ANKS1B: variants seen among roughly 807,000 people sequenced by gnomAD.
The protein encoded by ANKS1B is ankyrin repeat and sterile alpha motif domain-containing protein 1B.
ANKS1B carries 36 observed loss-of-function variants against 148.3 expected under a neutral mutation model. The ratio of observed to expected loss-of-function variants is 0.24; its 90% CI spans 0.19 to 0.32. ANKS1B has a LOEUF of 0.32. Among genes scored for constraint, ANKS1B ranks in the 10% least tolerant of loss-of-function variants. ANKS1B has a pLI of 1.00. For synonymous variants in ANKS1B, 542 were observed against 560.8 expected (o/e 0.97, Z 0.47); for missense variants, 1,157 against 1,542.6 (o/e 0.75, Z 4.19).
chr12:99,517,720 G>C (rs951323066), intron 9 of ANKS1B, among the ~76,000 whole-genome samples: 3 of 152,070 alleles, frequency 2.0e-5, no homozygotes, highest in African/African-American at 7.2e-5. Flanking sequence ...TCTTTCTCTT[G>C]TTGGATTGCT....
chr12:99,975,289 A>T (rs2095612499), intron 1 of ANKS1B, among the ~76,000 whole-genome samples: 1 of 152,240 alleles, frequency 6.6e-6, no homozygotes, highest in Admixed American at 6.5e-5. Flanking sequence ...TTAAATGAAA[A>T]TACGAAAAGA....
At position 98,807,840 on chromosome 12, in the gene ANKS1B, T is replaced by C; in HGVS notation, c.3141+4A>G. 6.2e-7 allele frequency: 1 copy of C among 1,612,614 alleles called. No individual in the cohort carries two copies. Among genetic ancestry groups the C allele is most frequent in the Non-Finnish European group, 8.5e-7 (1 of 1,179,192 alleles). Reference sequence around the variant, plus strand: ...GAGAAGAAAAGAACCATTTGTAACCTTACATTATGAACCTGATGGATCGCT... The same window carrying C: ...GAGAAGAAAAGAACCATTTGTAACCCTACATTATGAACCTGATGGATCGCT... On this transcript the variant is annotated splice_donor_region_variant and intron_variant, in intron 20 of 26. Transcript: ENST00000683438.
intron 17 of ANKS1B, among the ~76,000 whole-genome samples, chr12:99,031,158 C>T (rs184251568): frequency 1.0e-3 from 156 of 152,298 alleles, no homozygotes; most frequent in African/African-American, 3.3e-3. Context: ...AATAATTATA[C>T]ACTTGATGGG....
chr12:99,471,528 G>A (rs915475552), intron 10 of ANKS1B, among the ~76,000 whole-genome samples: 3 of 151,962 alleles, frequency 2.0e-5, no homozygotes, highest in Admixed American at 2.0e-4. Flanking sequence ...CTAATTTGCA[G>A]AGCTATGATG....
intron 8 of ANKS1B, among the ~76,000 whole-genome samples, chr12:99,756,746 A>G (rs1406070530): frequency 6.6e-6 from 1 of 152,108 alleles, no homozygotes; most frequent in Non-Finnish European, 1.5e-5. Context: ...CCAATGGAAC[A>G]GTATAGAGAA....
At chr12:99,572,172 T>C (rs533241058) in intron 9 of ANKS1B, among the ~76,000 whole-genome samples, 1 of 152,210 alleles carries the variant, frequency 6.6e-6, no homozygotes, top group South Asian at 2.1e-4. Flanking sequence ...CTTACAGCTA[T>C]TATATTCCAA....
chr12:99,242,627 A>C (rs558902831), intron 14 of ANKS1B, among the ~76,000 whole-genome samples: 2 of 152,230 alleles, frequency 1.3e-5, no homozygotes, highest in Non-Finnish European at 2.9e-5. Context: ...GCATCATGCT[A>C]TCTGACTTCA....
At position 98,789,767 on chromosome 12, in the gene ANKS1B, T is replaced by C. The variant is rs140523836; in HGVS notation, c.3343-7630A>G. Among the ~76,000 whole-genome samples, 1,190 of 152,300 alleles carry C rather than the reference T, an allele frequency of 7.8e-3. 18 individuals are homozygous for C. The highest frequency in any genetic ancestry group is 0.027 in the African/African-American group (1,126 of 41,558). ...ACTGGTTAAATAAATTTGGTTCAAC[T>C]ATGGATTGGAATATTGTAACCAACC... On this transcript the variant is annotated intron_variant, in intron 22 of 26. Coordinates refer to ENST00000683438, the MANE Select transcript of ANKS1B (RefSeq NM_001352186.2).
intron 14 of ANKS1B, among the ~76,000 whole-genome samples, chr12:99,213,303 T>A (rs544853543): frequency 6.6e-6 from 1 of 152,354 alleles, no homozygotes; most frequent in East Asian, 1.9e-4. Flanking sequence ...CAGCTTGTTT[T>A]TACCACTTTT....
At chr12:99,768,887 G>A (rs2062932164) in intron 8 of ANKS1B, among the ~76,000 whole-genome samples, 1 of 145,320 alleles carries the variant, frequency 6.9e-6, no homozygotes, top group South Asian at 2.2e-4. Flanking sequence ...TCTGTTCTTT[G>A]CCACATGAAG....
intron 17 of ANKS1B, among the ~76,000 whole-genome samples, chr12:98,919,916 A>C (rs2152900168): frequency 6.6e-6 from 1 of 152,316 alleles, no homozygotes; most frequent in South Asian, 2.1e-4. Context: ...GAGACTTTCC[A>C]TTTCAGCAAC....
chr12:98,836,927 T>C (rs2099367042), intron 17 of ANKS1B, among the ~76,000 whole-genome samples: 2 of 152,166 alleles, frequency 1.3e-5, no homozygotes, highest in Non-Finnish European at 2.9e-5. Context: ...GAGCTTACAA[T>C]ATTGGAGAGA....
intron 11 of ANKS1B, among the ~76,000 whole-genome samples, chr12:99,425,372 T>C (rs1290412092): frequency 6.6e-6 from 1 of 151,986 alleles, no homozygotes; most frequent in Non-Finnish European, 1.5e-5. Flanking sequence ...AATTCTTTTC[T>C]GTTATAAATA....
At position 98,872,249 on chromosome 12, in the gene ANKS1B, T is replaced by G. The variant is rs902035520; in HGVS notation, c.2779-40113A>C. ...GTTGAAGACAGGGCTTTAAAAGAGC[T>G]AATTAATGGCTGGGCATGGTAGCTC... On this transcript the variant is annotated intron_variant, in intron 17 of 26. Coordinates refer to ENST00000683438, the MANE Select transcript of ANKS1B (RefSeq NM_001352186.2). Among the ~76,000 whole-genome samples, 24 of 152,158 alleles carry G rather than the reference T, an allele frequency of 1.6e-4. 1 individual carries two copies. Among genetic ancestry groups the G allele is most frequent in the African/African-American group, 5.5e-4 (23 of 41,442 alleles).
rs139245953 is a variant in ANKS1B at position 98,897,432 on chromosome 12, C to T, written c.2779-65296G>A. Among the ~76,000 whole-genome samples the T allele has an allele frequency of 8.1e-3, 1,227 of 151,556 alleles. 12 individuals are homozygous for T. Among genetic ancestry groups the T allele is most frequent in the African/African-American group, 0.025 (1,037 of 41,416 alleles). On this transcript the variant is annotated intron_variant, in intron 17 of 26. Coordinates refer to ENST00000683438, the MANE Select transcript of ANKS1B (RefSeq NM_001352186.2). ...AGGACATGAGCAGACATTTCTCAAA[C>T]GAAGACATACAAGTGGCCAACAAAC...
chr12:98,887,774 A>T (rs2152592662), intron 17 of ANKS1B, among the ~76,000 whole-genome samples: 1 of 152,220 alleles, frequency 6.6e-6, no homozygotes, highest in African/African-American at 2.4e-5. Flanking sequence ...CACTCAGCTA[A>T]TTTTTAAAAA....
intron 9 of ANKS1B, among the ~76,000 whole-genome samples, chr12:99,589,437 C>T (rs1203200116): frequency 6.6e-6 from 1 of 152,184 alleles, no homozygotes; most frequent in African/African-American, 2.4e-5. Flanking sequence ...ACATGTACTT[C>T]TGATCTCCTT....
intron 2 of ANKS1B, among the ~76,000 whole-genome samples, chr12:99,824,207 C>A (rs2082866802): frequency 6.6e-6 from 1 of 152,064 alleles, no homozygotes; most frequent in African/African-American, 2.4e-5. Context: ...GTAATTACCA[C>A]ATCTAAAAGA....
chr12:99,002,221 T>C lies in ANKS1B; in HGVS notation c.2778+50936A>G, dbSNP rs190473924. 1.6e-4 allele frequency among the ~76,000 whole-genome samples: 24 copies of C among 152,342 alleles called. No individual in the cohort carries two copies. The East Asian group carries it at 4.0e-3, about 26-fold the overall frequency. ...TGTTGTTCTTCACTTTTTGAAGAAC[T>C]GCCATACTATTTTCCATAGCAACAG... On this transcript the variant is annotated intron_variant, in intron 17 of 26. Coordinates refer to ENST00000683438, the MANE Select transcript of ANKS1B (RefSeq NM_001352186.2).
Sources: allele counts gnomAD v4.1 joint callset (sites outside exome capture counted in the v4.1 genomes callset), GRCh38; gene constraint gnomAD v4.1.1; transcripts MANE v1.5; gene names NCBI Gene and HGNC (gene_info 2026-07-23, HGNC 2026-07-21).